The following OPA3 variants were observed in gnomAD, a reference collection of about 807,000 sequenced individuals.
OPA3 encodes the protein outer mitochondrial membrane lipid metabolism regulator OPA3, also known as optic atrophy 3 protein.
Under a neutral mutation model 4.0 loss-of-function variants are expected in OPA3, and 6 were observed. The ratio of observed to expected loss-of-function variants is 1.51; its 90% confidence interval spans 0.83 to 2.99. The LOEUF (loss-of-function observed/expected upper bound fraction) is 2.99, where lower values mean the gene tolerates loss of function less well. Among genes scored for constraint, OPA3 ranks in the 30% most tolerant of loss-of-function variants. OPA3 has a pLI of 0.00. For missense variants in OPA3, 235 were observed against 256.2 expected (o/e 0.92, Z 0.56); for synonymous variants, 105 against 117.1 (o/e 0.90, Z 0.67).
intron 1 of OPA3, among the ~76,000 whole-genome samples, chr19:45,555,359 G>A (rs758772667): frequency 9.9e-5 from 15 of 152,126 alleles, no homozygotes; most frequent in South Asian, 4.1e-4. Context: ...TTTTCGAGAC[G>A]GGGTCTTGCT....
chr19:45,559,999 A>G (rs1031253575), intron 1 of OPA3, among the ~76,000 whole-genome samples: 9 of 152,098 alleles, frequency 5.9e-5, no homozygotes, highest in Non-Finnish European at 8.8e-5. Flanking sequence ...GGATTGGGAG[A>G]ATGGCAATGA....
intron 1 of OPA3, among the ~76,000 whole-genome samples, chr19:45,565,562 G>A (rs187121472): frequency 2.0e-5 from 3 of 152,292 alleles, no homozygotes; most frequent in African/African-American, 7.2e-5. Flanking sequence ...CCTGGGAGGC[G>A]GAGGTTGTGG....
chr19:45,543,844 G>C (rs375691981), downstream of OPA3, among the ~76,000 whole-genome samples: 4 of 152,156 alleles, frequency 2.6e-5, no homozygotes, highest in African/African-American at 9.6e-5. Context: ...TTACAGCATC[G>C]GCATCTCTAA....
intron 1 of OPA3, among the ~76,000 whole-genome samples, chr19:45,532,220 C>T (rs1469090394): frequency 6.6e-6 from 1 of 152,162 alleles, no homozygotes; most frequent in African/African-American, 2.4e-5. Flanking sequence ...CTTATCATTG[C>T]TGGGAGAAGT....
At position 45,548,566 on chromosome 19, in the gene OPA3, G is replaced by A. The variant is rs565146816; in HGVS notation, c.*4948C>T. ...GTGAGCATCTGTAAGACCCGGTGAC[G>A]GCAGGGCTGGGGCTGTCTCTGTCAC... On this transcript the variant is annotated 3_prime_UTR_variant, in exon 2 of 2. Coordinates refer to ENST00000263275, the MANE Select transcript of OPA3 (RefSeq NM_025136.4). 9.7e-5 allele frequency: 96 copies of A among 985,388 alleles called. No individual in the cohort carries two copies. The highest frequency in any genetic ancestry group is 6.1e-4 in the Admixed American group (10 of 16,270). 61.0% of individuals were successfully genotyped at this position (985,388 alleles called of 1,614,324 possible). A position where few individuals can be genotyped will look rare whatever the true frequency, so the allele number is the denominator to read the frequency against.
chr19:45,551,103 G>T lies in OPA3; in HGVS notation c.*2411C>A. 1 of 217,580 alleles carries T rather than the reference G, an allele frequency of 4.6e-6. No homozygotes were observed. Among genetic ancestry groups the T allele is most frequent in the Non-Finnish European group, 7.8e-6 (1 of 127,788 alleles). The allele number at this position is 217,580 out of a possible 1,614,324, so 13.5% of individuals were successfully genotyped here. A position where few individuals can be genotyped will look rare whatever the true frequency, so the allele number is the denominator to read the frequency against. On this transcript the variant is annotated 3_prime_UTR_variant, in exon 2 of 2. Coordinates refer to ENST00000263275, the MANE Select transcript of OPA3 (RefSeq NM_025136.4). ...AGCCTCCCAAGTAGCTGGGACTACA[G>T]GCATGCATCACCGCACCTGGCTAAT...
intron 1 of OPA3, among the ~76,000 whole-genome samples, chr19:45,573,403 A>G (rs577993496): frequency 6.6e-6 from 1 of 152,164 alleles, no homozygotes; most frequent in Non-Finnish European, 1.5e-5. Context: ...GTGAGCTGAG[A>G]TCACGCCACT....
At chr19:45,538,325 G>C (rs373244371) in intron 1 of OPA3, among the ~76,000 whole-genome samples, 2 of 152,084 alleles carry the variant, frequency 1.3e-5, no homozygotes, top group African/African-American at 4.8e-5. Flanking sequence ...GGAGGCTGAG[G>C]GGGGAGGATT....
rs947259131 is a variant in OPA3, at chr19:45,550,728, A to G, written c.*2786T>C. The G allele has an allele frequency of 1.8e-5, 18 of 985,704 alleles. No individual in the cohort carries two copies. The highest frequency in any genetic ancestry group is 4.8e-6 in the Non-Finnish European group (4 of 830,026). The allele number at this position is 985,704 out of a possible 1,614,324, so 61.1% of individuals were successfully genotyped here. ...CCTGATTTTAATAAGCTCTGTACCC[A>G]TTGTGGAGATCCACATGGTGGTTCA... On this transcript the variant is annotated 3_prime_UTR_variant, in exon 2 of 2. Transcript: ENST00000263275.
Position 45,553,484 on chromosome 19 carries a change from G to A in OPA3, c.*30C>T. 6.2e-7 allele frequency: 1 copy of A among 1,611,554 alleles called. No homozygotes were observed. Among genetic ancestry groups the A allele is most frequent in the Non-Finnish European group, 8.5e-7 (1 of 1,179,968 alleles). On this transcript the variant is annotated 3_prime_UTR_variant, in exon 2 of 2. Coordinates refer to ENST00000263275, the MANE Select transcript of OPA3 (RefSeq NM_025136.4). ...AGGCCACGTTAGGTACATAGGCCAT[G>A]TCCAAATTCAGGTTCCATCCAGCAA... is the stretch of plus-strand genomic sequence containing the variant.
chr19:45,581,283 A>T (rs1437929737), intron 1 of OPA3, among the ~76,000 whole-genome samples: 1 of 152,212 alleles, frequency 6.6e-6, no homozygotes, highest in South Asian at 2.1e-4. Context: ...TGGAAAGCAA[A>T]CTTTAAGCAT....
Position 45,553,636 on chromosome 19 carries a change from CCTGCGCCTG to C in OPA3, c.409_417del (p.Gln137_Gln139del). ...GCGCCCTGTGGCGGCGCCGCCTGCA[CCTGCGCCTG>C]CAGCGCTTCCAGCGCCAGCGCCAGG... On this transcript the variant is annotated inframe_deletion, in exon 2 of 2. Transcript: ENST00000263275. The C allele has an allele frequency of 6.2e-7, 1 of 1,606,354 alleles. No individual in the cohort carries two copies.
Position 45,552,331 on chromosome 19 carries a change from C to T in OPA3, c.*1183G>A, listed in dbSNP as rs745391525. 5 of 339,930 alleles carry T rather than the reference C, an allele frequency of 1.5e-5. No individual in the cohort carries two copies. Among genetic ancestry groups the T allele is most frequent in the Non-Finnish European group, 1.7e-5 (4 of 240,284 alleles). 21.1% of individuals were successfully genotyped at this position (339,930 alleles called of 1,614,324 possible). A position where few individuals can be genotyped will look rare whatever the true frequency, so the allele number is the denominator to read the frequency against. ...CAAGCAATTCTCCTGTCTCAGCCTC[C>T]CAAGTAGCTGGGATTACAGGTGCAT... On this transcript the variant is annotated 3_prime_UTR_variant, in exon 2 of 2. Transcript: ENST00000263275.
chr19:45,534,883 G>A (rs1436076792), intron 1 of OPA3, among the ~76,000 whole-genome samples: 3 of 151,986 alleles, frequency 2.0e-5, no homozygotes, highest in East Asian at 1.9e-4. Context: ...CCCCAGCCTC[G>A]GCCTTCCAAA....
intron 1 of OPA3, among the ~76,000 whole-genome samples, chr19:45,562,615 GGAGGCAGAGGTTGCAGTGAGCT>G (rs1304751103): frequency 2.0e-5 from 3 of 152,230 alleles, no homozygotes; most frequent in African/African-American, 7.2e-5. Context: ...CTTGAACCTG[GGAGGCAGAGGTTGCAGTGAGCT>G]GAGATCGCGC....
At chr19:45,583,242 C>T (rs889239192) in intron 1 of OPA3, among the ~76,000 whole-genome samples, 4 of 151,998 alleles carry the variant, frequency 2.6e-5, no homozygotes, top group African/African-American at 9.7e-5. Flanking sequence ...GCTCCGCCTT[C>T]CGGGTTCACG....
intron 1 of OPA3, among the ~76,000 whole-genome samples, chr19:45,582,134 C>T (rs916637766): frequency 1.3e-5 from 2 of 151,738 alleles, no homozygotes; most frequent in African/African-American, 4.8e-5. Flanking sequence ...TCTCCCTGAG[C>T]ATTCAGGGAG....
Position 45,547,373 on chromosome 19 carries a change from T to C in OPA3, c.*6141A>G, listed in dbSNP as rs910857725. The C allele has an allele frequency of 1.3e-5, 2 of 152,148 alleles. No homozygotes were observed. Among genetic ancestry groups the C allele is most frequent in the Non-Finnish European group, 2.9e-5 (2 of 68,052 alleles). The allele number at this position is 152,148 out of a possible 1,614,324, so 9.4% of individuals were successfully genotyped here. A position where few individuals can be genotyped will look rare whatever the true frequency, so the allele number is the denominator to read the frequency against. ...GTACTGCAAAAGCAACTGTGGAAAA[T>C]ATGCAAACGAATGAGCGCCTGGGTT... On this transcript the variant is annotated 3_prime_UTR_variant, in exon 2 of 2. Transcript: ENST00000263275.
chr19:45,560,913 T>C (rs1012577965), intron 1 of OPA3, among the ~76,000 whole-genome samples: 2 of 152,172 alleles, frequency 1.3e-5, no homozygotes, highest in Non-Finnish European at 2.9e-5. Context: ...CACAGTTAAC[T>C]ATTGTTCAAG....
Sources: allele counts gnomAD v4.1 joint callset (sites outside exome capture counted in the v4.1 genomes callset), GRCh38; gene constraint gnomAD v4.1.1; transcripts MANE v1.5; gene names NCBI Gene and HGNC (gene_info 2026-07-23, HGNC 2026-07-21).